MACROD2: variants seen among roughly 807,000 people sequenced by gnomAD.
MACROD2 encodes ADP-ribose glycohydrolase MACROD2.
In MACROD2, 36 loss-of-function variants were observed where a neutral mutation model predicts 70.4. The ratio of observed to expected loss-of-function variants is 0.51; its 90% CI spans 0.39 to 0.68. The LOEUF is 0.68. Among genes scored for constraint, MACROD2 ranks in the 30% least tolerant of loss-of-function variants. The pLI, the probability that MACROD2 is intolerant of heterozygous loss-of-function variation, is 0.00. For synonymous variants in MACROD2, 172 were observed against 178.8 expected, an observed-to-expected ratio of 0.96 and a Z score of 0.30; for missense variants, 496 against 538.4, an observed-to-expected ratio of 0.92 and a Z score of 0.78.
chr20:15,784,884 C>T (rs538350355), intron 8 of MACROD2, among the ~76,000 whole-genome samples: 62 of 152,110 alleles, frequency 4.1e-4, no homozygotes, highest in Non-Finnish European at 7.9e-4. Flanking sequence ...TGCGGTGGCT[C>T]ATGCCTGTAA....
intron 3 of MACROD2, among the ~76,000 whole-genome samples, chr20:14,478,095 A>G (rs2084619134): frequency 6.6e-6 from 1 of 152,194 alleles, no homozygotes; most frequent in Non-Finnish European, 1.5e-5. Context: ...TTTTTAGGAT[A>G]AAAACCTGTG....
chr20:14,954,597 T>C (rs1459716960), intron 5 of MACROD2, among the ~76,000 whole-genome samples: 1 of 133,398 alleles, frequency 7.5e-6, no homozygotes, highest in Non-Finnish European at 1.6e-5. Flanking sequence ...TTATATATAA[T>C]AATTATATAG....
intron 8 of MACROD2, among the ~76,000 whole-genome samples, chr20:15,744,783 G>A (rs904705287): frequency 6.6e-6 from 1 of 152,024 alleles, no homozygotes; most frequent in African/African-American, 2.4e-5. Context: ...CATTGTGTCT[G>A]TGTATGTGTG....
chr20:15,037,207 C>T (rs537051216), intron 5 of MACROD2, among the ~76,000 whole-genome samples: 12 of 152,220 alleles, frequency 7.9e-5, no homozygotes, highest in Non-Finnish European at 1.5e-4. Flanking sequence ...CTAGAAATAA[C>T]ATCTTTACAT....
intron 5 of MACROD2, among the ~76,000 whole-genome samples, chr20:15,085,873 AACACACACACACACACACACACACAC>A (rs3070249): frequency 1.4e-5 from 2 of 144,386 alleles, no homozygotes; most frequent in South Asian, 4.6e-4. Flanking sequence ...ACACACACAC[AACACACACACACACACACACACACAC>A]ACACACACAC....
At chr20:14,670,484 C>G (rs576782160) in intron 4 of MACROD2, among the ~76,000 whole-genome samples, 19 of 152,096 alleles carry the variant, frequency 1.2e-4, no homozygotes, top group Admixed American at 4.6e-4. Flanking sequence ...TGGGGTTTTA[C>G]CCACTCTGGC....
At chr20:15,088,435 ATATATATATATATAT>A (rs2075768131) in intron 5 of MACROD2, among the ~76,000 whole-genome samples, 13 of 31,344 alleles carry the variant, frequency 4.1e-4, no homozygotes, top group Non-Finnish European at 1.1e-3. Context: ...ATATATATAT[ATATATATATATATAT>A]AATATTTTGT....
At chr20:14,003,101 G>T (rs1169615079) in intron 2 of MACROD2, among the ~76,000 whole-genome samples, 1 of 152,200 alleles carries the variant, frequency 6.6e-6, no homozygotes, top group African/African-American at 2.4e-5. Context: ...TAGACAAACG[G>T]TGCTTCTTAA....
chr20:15,537,680 G>A (rs1178045869), intron 8 of MACROD2, among the ~76,000 whole-genome samples: 1 of 151,856 alleles, frequency 6.6e-6, no homozygotes, highest in Non-Finnish European at 1.5e-5. Context: ...CACCATGTTG[G>A]CCAGGCTAGT....
intron 4 of MACROD2, among the ~76,000 whole-genome samples, chr20:14,628,393 G>GA (rs1308616695): frequency 7.2e-5 from 11 of 152,092 alleles, no homozygotes; most frequent in Non-Finnish European, 1.2e-4. Flanking sequence ...CAGAGGACAT[G>GA]AAAAAAATAA....
intron 6 of MACROD2, among the ~76,000 whole-genome samples, chr20:15,268,526 C>T (rs952960533): frequency 2.6e-5 from 4 of 152,122 alleles, no homozygotes; most frequent in South Asian, 2.1e-4. Flanking sequence ...TGGTCGTGGG[C>T]GCCTGTAATC....
intron 8 of MACROD2, among the ~76,000 whole-genome samples, chr20:15,575,554 G>T (rs573633820): frequency 2.0e-5 from 3 of 152,286 alleles, no homozygotes; most frequent in African/African-American, 7.2e-5. Context: ...TCTGGTTGGA[G>T]TGGTGCTGGA....
At chr20:16,015,614 A>G (rs1383920363) in intron 15 of MACROD2, among the ~76,000 whole-genome samples, 1 of 152,244 alleles carries the variant, frequency 6.6e-6, no homozygotes, top group Non-Finnish European at 1.5e-5. Flanking sequence ...AATTTAGGCC[A>G]TCCTTACAAT....
intron 10 of MACROD2, among the ~76,000 whole-genome samples, chr20:15,917,170 T>G (rs1423450512): frequency 6.6e-6 from 1 of 152,204 alleles, no homozygotes; most frequent in Non-Finnish European, 1.5e-5. Context: ...GTAAGAGTCT[T>G]CTTTCTGTGT....
intron 15 of MACROD2, among the ~76,000 whole-genome samples, chr20:16,036,189 C>T (rs1463414204): frequency 6.6e-6 from 1 of 151,976 alleles, no homozygotes; most frequent in Non-Finnish European, 1.5e-5. Flanking sequence ...ACCTATGCAA[C>T]TACAGATTCT....
chr20:14,321,001 G>A (rs192557592), intron 3 of MACROD2, among the ~76,000 whole-genome samples: 4 of 152,108 alleles, frequency 2.6e-5, no homozygotes, highest in African/African-American at 7.2e-5. Flanking sequence ...AGCAGTGAAC[G>A]GTCACTGCTG....
chr20:14,573,034 C>A (rs374876488), intron 4 of MACROD2, among the ~76,000 whole-genome samples: 1 of 146,994 alleles, frequency 6.8e-6, no homozygotes, highest in Non-Finnish European at 1.5e-5. Flanking sequence ...TAAACAATAT[C>A]ATTTAGATGT....
intron 8 of MACROD2, among the ~76,000 whole-genome samples, chr20:15,512,311 G>A (rs1402438545): frequency 6.6e-6 from 1 of 152,238 alleles, no homozygotes; most frequent in Non-Finnish European, 1.5e-5. Flanking sequence ...CCTGTAAACA[G>A]TAGAGGCCTT....
At chr20:15,232,991 C>G (rs1303876331) in intron 6 of MACROD2, among the ~76,000 whole-genome samples, 1 of 151,830 alleles carries the variant, frequency 6.6e-6, no homozygotes, top group Non-Finnish European at 1.5e-5. Flanking sequence ...ACTTCCGTGA[C>G]AAAGAGAGGA....
Sources: allele counts gnomAD v4.1 joint callset (sites outside exome capture counted in the v4.1 genomes callset), GRCh38; gene constraint gnomAD v4.1.1; transcripts MANE v1.5; gene names NCBI Gene and HGNC (gene_info 2026-07-23, HGNC 2026-07-21).